EVA1C: variants seen among roughly 807,000 people sequenced by gnomAD.
EVA1C encodes eva-1 homolog C, also known as protein eva-1 homolog C.
In EVA1C, 25 loss-of-function variants were observed where a neutral mutation model predicts 45.4. The observed-to-expected ratio is 0.55, with a 90% confidence interval of 0.40 to 0.77. EVA1C has a LOEUF of 0.77. Among genes scored for constraint, EVA1C ranks in the 30% least tolerant of loss-of-function variants. The pLI is 0.00. For synonymous variants in EVA1C, 190 were observed against 221.2 expected (o/e 0.86, Z 1.25); for missense variants, 479 against 554.8 (o/e 0.86, Z 1.37).
chr21:32,514,520 C>T (rs1284481731), intron 7 of EVA1C, among the ~76,000 whole-genome samples: 1 of 152,196 alleles, frequency 6.6e-6, no homozygotes, highest in Non-Finnish European at 1.5e-5. Flanking sequence ...CAAAGTCACA[C>T]AGCTACTGAG....
chr21:32,456,194 CTTTT>C (rs10597444), intron 2 of EVA1C, among the ~76,000 whole-genome samples: 24,094 of 152,054 alleles, frequency 0.16, 2,148 homozygotes, highest in Admixed American at 0.23. Flanking sequence ...GCCCAGCCTT[CTTTT>C]GTGTCTTTTA....
At chr21:32,458,663 T>C (rs985758188) in intron 3 of EVA1C, among the ~76,000 whole-genome samples, 3 of 151,522 alleles carry the variant, frequency 2.0e-5, no homozygotes, top group Non-Finnish European at 4.4e-5. Context: ...GTATTTTTAA[T>C]AGAGAGAGGG....
intron 7 of EVA1C, among the ~76,000 whole-genome samples, chr21:32,507,216 G>A (rs1396582177): frequency 6.6e-6 from 1 of 152,180 alleles, no homozygotes; most frequent in Non-Finnish European, 1.5e-5. Flanking sequence ...CATTGAAAAA[G>A]CTTCTTAGGT....
At chr21:32,505,295 G>GTGTTGAT (rs2037690153) in intron 7 of EVA1C, among the ~76,000 whole-genome samples, 1 of 152,036 alleles carries the variant, frequency 6.6e-6, no homozygotes, top group Non-Finnish European at 1.5e-5. Flanking sequence ...TTTCTTCTGT[G>GTGTTGAT]GGTCCTCTCT....
rs2037625243 is a variant in EVA1C at position 32,503,520 on chromosome 21, C to T, written c.860-406C>T. Among the ~76,000 whole-genome samples, 3 of 125,990 alleles carry T rather than the reference C, an allele frequency of 2.4e-5. No individual in the cohort carries two copies. The South Asian group carries it at 7.3e-4, about 31-fold the overall frequency. 82.7% of individuals were successfully genotyped at this position (125,990 alleles called of 152,430 possible). A position where few individuals can be genotyped will look rare whatever the true frequency, so the allele number is the denominator to read the frequency against. ...CAAGATTGTGCCATTGCACTCCAGC[C>T]TGGGCAACAAGAGTGAAACTCCATC... On this transcript the variant is annotated intron_variant, in intron 6 of 7. Transcript: ENST00000300255.
At chr21:32,503,244 G>T (rs1568950926) in intron 6 of EVA1C, among the ~76,000 whole-genome samples, 1 of 152,138 alleles carries the variant, frequency 6.6e-6, no homozygotes, top group Non-Finnish European at 1.5e-5. Context: ...TCAAATCCAT[G>T]CTTAAAGTGA....
chr21:32,475,416 GA>G (rs1168503720), intron 4 of EVA1C, among the ~76,000 whole-genome samples: 2 of 148,156 alleles, frequency 1.3e-5, no homozygotes, highest in Non-Finnish European at 3.0e-5. Context: ...ACAGAAATGA[GA>G]AAAGGATTCA....
In EVA1C at chr21:32,454,957, A is replaced by G. The variant is rs117200487; in HGVS notation, c.357+1449A>G. 5.0e-3 allele frequency among the ~76,000 whole-genome samples: 765 copies of G among 152,250 alleles called. 7 individuals carry two copies. The highest frequency in any genetic ancestry group is 8.1e-3 in the Non-Finnish European group (548 of 68,018). The stretch of plus-strand genomic sequence containing the variant: ...TGACTCCCCATGACATGGTTTCTAT[A>G]CCTTGAGGAGAGACAACATGTTTCT... On this transcript the variant is annotated intron_variant, in intron 2 of 7. Coordinates refer to ENST00000300255, the MANE Select transcript of EVA1C (RefSeq NM_058187.5).
intron 5 of EVA1C, among the ~76,000 whole-genome samples, chr21:32,495,690 A>G (rs1281829153): frequency 2.6e-5 from 4 of 152,214 alleles, no homozygotes; most frequent in Non-Finnish European, 5.9e-5. Context: ...ACACGACAGC[A>G]TTACTTTGTT....
chr21:32,473,097 A>G (rs7278349), intron 4 of EVA1C, among the ~76,000 whole-genome samples: 61,117 of 152,202 alleles, frequency 0.4, 13,073 homozygotes, highest in East Asian at 0.51. Context: ...TGACCTCACC[A>G]TTCAGGTCAG....
At chr21:32,460,918 G>T (rs2035974177) in intron 3 of EVA1C, among the ~76,000 whole-genome samples, 2 of 152,088 alleles carry the variant, frequency 1.3e-5, no homozygotes, top group African/African-American at 4.8e-5. Flanking sequence ...GCTAATTTTT[G>T]TATTTTTAGT....
At chr21:32,506,006 G>A (rs2037711671) in intron 7 of EVA1C, among the ~76,000 whole-genome samples, 1 of 151,942 alleles carries the variant, frequency 6.6e-6, no homozygotes, top group Non-Finnish European at 1.5e-5. Flanking sequence ...CAGGATTCAG[G>A]CTCAGCTAAT....
In EVA1C at chr21:32,452,467, T is replaced by C. The variant is rs1355065628; in HGVS notation, c.161-845T>C. 1 of 152,220 alleles carries C rather than the reference T, an allele frequency of 6.6e-6. No individual in the cohort carries two copies. The highest frequency in any genetic ancestry group is 6.5e-5 in the Admixed American group (1 of 15,272). 9.4% of individuals were successfully genotyped at this position (152,220 alleles called of 1,614,324 possible). On this transcript the variant is annotated intron_variant, in intron 1 of 7. Transcript: ENST00000300255. The surrounding 1 kb of genome is among the most constrained non-coding windows in gnomAD (Gnocchi z 4.0). ...TGGGCTCCGACCCCACAGCAGCTTGTAGAATTGGGTGTTTACAGCTCCCGA... is the reference window on the plus strand; with the variant it reads ...TGGGCTCCGACCCCACAGCAGCTTGCAGAATTGGGTGTTTACAGCTCCCGA...
At chr21:32,422,487 C>A (rs889138587) in intron 1 of EVA1C, among the ~76,000 whole-genome samples, 5 of 152,074 alleles carry the variant, frequency 3.3e-5, no homozygotes, top group Admixed American at 6.5e-5. Context: ...GTTAAGCATT[C>A]CAAGGAAGAT....
At chr21:32,433,092 G>A (rs1326348176) in intron 1 of EVA1C, 1 of 152,164 alleles carries the variant, frequency 6.6e-6, no homozygotes, top group African/African-American at 2.4e-5. Flanking sequence ...TTCTGTTAAG[G>A]TGATGCCTGG....
intron 3 of EVA1C, among the ~76,000 whole-genome samples, chr21:32,461,815 T>C (rs1387168584): frequency 6.6e-6 from 1 of 152,190 alleles, no homozygotes; most frequent in East Asian, 1.9e-4. Flanking sequence ...CCTCCCAAAT[T>C]GCATCCCTTC....
intron 1 of EVA1C, among the ~76,000 whole-genome samples, chr21:32,443,032 G>A (rs57517968): frequency 0.17 from 23,727 of 138,106 alleles, 2,667 homozygotes; most frequent in African/African-American, 0.3. Flanking sequence ...GAAGGAAGGA[G>A]GAAGGGTGGG....
At chr21:32,415,864 C>T (rs1000531379) in intron 1 of EVA1C, among the ~76,000 whole-genome samples, 3 of 152,230 alleles carry the variant, frequency 2.0e-5, no homozygotes, top group African/African-American at 7.2e-5. Flanking sequence ...TCCTTAATCT[C>T]ATACTCAAAT....
At chr21:32,414,574 G>T (rs1054674695) in intron 1 of EVA1C, among the ~76,000 whole-genome samples, 2 of 152,270 alleles carry the variant, frequency 1.3e-5, no homozygotes, top group Admixed American at 1.3e-4. Context: ...TGCAATACTT[G>T]TAACAGTCTA....
Sources: gnomAD v4.1 joint callset for allele counts (sites outside exome capture counted in the v4.1 genomes callset) on GRCh38, gnomAD v4.1.1 for gene constraint, Gnocchi (gnomAD v3.1) non-coding constraint, MANE v1.5 for transcripts, NCBI Gene and HGNC (gene_info 2026-07-23, HGNC 2026-07-21) for gene names.